The following NCAPG2 variants were observed in gnomAD, a reference collection of about 807,000 sequenced individuals.
NCAPG2 encodes the protein non-SMC condensin II complex subunit G2, also known as condensin-2 complex subunit G2.
NCAPG2 carries 53 observed loss-of-function variants against 141.1 expected under a neutral mutation model. That is an observed-to-expected ratio of 0.38 (90% confidence interval 0.30 to 0.47). The LOEUF is 0.47. Among genes scored for constraint, NCAPG2 ranks in the 20% least tolerant of loss-of-function variants. The probability of loss-of-function intolerance (pLI) is 0.99; values close to 1 mark genes in which losing one functional copy is unlikely to be tolerated. For synonymous variants in NCAPG2, 499 were observed against 490.7 expected (o/e 1.02, Z -0.22); for missense variants, 1,087 against 1,389.0 (o/e 0.78, Z 3.46).
chr7:158,664,460 C>T (rs944912702), intron 14 of NCAPG2, 68 bp downstream of exon 14: 1 of 1,551,282 alleles, frequency 6.4e-7, no homozygotes, highest in South Asian at 1.2e-5. Flanking sequence ...AAATACTGAA[C>T]TCTGTAATTT....
intron 12 of NCAPG2, among the ~76,000 whole-genome samples, chr7:158,673,995 T>C (rs143875057): frequency 4.7e-4 from 72 of 152,284 alleles, no homozygotes; most frequent in African/African-American, 1.6e-3. Flanking sequence ...TAGAAGACGC[T>C]TTATAGTAGA....
intron 22 of NCAPG2, among the ~76,000 whole-genome samples, chr7:158,653,593 G>A (rs1390827185): frequency 2.0e-5 from 3 of 151,994 alleles, no homozygotes; most frequent in Admixed American, 2.0e-4. Flanking sequence ...ATACACTGGG[G>A]GTGTCCACAC....
intron 16 of NCAPG2, among the ~76,000 whole-genome samples, chr7:158,660,701 C>G (rs1277525925): frequency 6.6e-6 from 1 of 152,156 alleles, no homozygotes; most frequent in African/African-American, 2.4e-5. Context: ...CAGGTGTGAA[C>G]CACCATGCCC....
At chr7:158,641,511 CA>C in intron 27 of NCAPG2, 1 of 678,708 alleles carries the variant, frequency 1.5e-6, no homozygotes, top group Admixed American at 2.1e-5. Flanking sequence ...TCCAGGAGTC[CA>C]GGAGTTAGAG....
intron 13 of NCAPG2, among the ~76,000 whole-genome samples, chr7:158,669,607 TA>T (rs879931042): frequency 6.5e-4 from 93 of 143,398 alleles, no homozygotes; most frequent in Non-Finnish European, 5.5e-4. Flanking sequence ...TACTAAAATT[TA>T]AAAAAAAAAA....
intron 2 of NCAPG2, among the ~76,000 whole-genome samples, chr7:158,701,304 T>A (rs1979196): frequency 1.3e-5 from 2 of 152,160 alleles, no homozygotes; most frequent in Admixed American, 6.5e-5. Flanking sequence ...TTCTCACTTG[T>A]AGTCAGAGGA....
In NCAPG2 at chr7:158,676,110, A is replaced by T. The variant is rs182981838; in HGVS notation, c.1147-454T>A. On this transcript the variant is annotated intron_variant, in intron 11 of 27. Transcript: ENST00000356309. ...TTCAAAAACAGACAATGAGGCAATA[A>T]GTACCCCGATGGGAGTATTCGACAT... Among the ~76,000 whole-genome samples the T allele has an allele frequency of 3.3e-5, 5 of 152,370 alleles. No individual in the cohort carries two copies. The East Asian group carries it at 7.7e-4, about 24-fold the overall frequency.
intron 2 of NCAPG2, 39 bp from the exon 3 acceptor site, chr7:158,693,536 A>G (rs760245844): frequency 1.3e-6 from 2 of 1,518,154 alleles, no homozygotes; most frequent in African/African-American, 2.8e-5. Context: ...TCAAATACAA[A>G]AAATTAATCA....
chr7:158,641,177 T>A (rs1487662012), intron 27 of NCAPG2: 1 of 252,144 alleles, frequency 4.0e-6, no homozygotes, highest in Admixed American at 5.5e-5. Context: ...CATCATAAAA[T>A]GTTCAGTTAA....
At chr7:158,641,735 C>T (rs1480494705) in intron 27 of NCAPG2, among the ~76,000 whole-genome samples, 2 of 152,058 alleles carry the variant, frequency 1.3e-5, no homozygotes, top group Non-Finnish European at 2.9e-5. Flanking sequence ...AATGTGTGGA[C>T]CTAACAACAG....
chr7:158,641,003 T>C (rs1314320129), intron 27 of NCAPG2: 1 of 152,218 alleles, frequency 6.6e-6, no homozygotes, highest in African/African-American at 2.4e-5. Flanking sequence ...CAAAGTGGTA[T>C]AGTGTCATCT....
intron 2 of NCAPG2, among the ~76,000 whole-genome samples, chr7:158,695,022 CT>C: frequency 6.6e-6 from 1 of 152,148 alleles, no homozygotes; most frequent in African/African-American, 2.4e-5. Context: ...TTGAATAATT[CT>C]TTACGCCTCA....
intron 26 of NCAPG2, 140 bp from the exon 27 acceptor site, chr7:158,644,528 G>A (rs762168897): frequency 1.8e-5 from 12 of 662,568 alleles, no homozygotes; most frequent in East Asian, 5.2e-5. Context: ...ACTGACCCGC[G>A]GAATAGTAAT....
At chr7:158,677,548 A>AAAAAAAC (rs869074552) in intron 11 of NCAPG2, among the ~76,000 whole-genome samples, 1 of 142,572 alleles carries the variant, frequency 7.0e-6, no homozygotes, top group Non-Finnish European at 1.5e-5. Context: ...AAAAAAAAAA[A>AAAAAAAC]CAGAAAAGAA....
chr7:158,700,244 C>T (rs770381916), intron 2 of NCAPG2, among the ~76,000 whole-genome samples: 1 of 152,180 alleles, frequency 6.6e-6, no homozygotes, highest in Non-Finnish European at 1.5e-5. Context: ...TATTGATAAA[C>T]TAGAGTTAAT....
At chr7:158,664,976 G>T (rs1832806585) in intron 13 of NCAPG2, 3 of 451,522 alleles carry the variant, frequency 6.6e-6, no homozygotes, top group Non-Finnish European at 1.2e-5. Flanking sequence ...AAGTATTAGG[G>T]TGCTAAGAGG....
intron 27 of NCAPG2, among the ~76,000 whole-genome samples, chr7:158,639,424 A>G (rs4909244): frequency 0.75 from 113,774 of 152,114 alleles, 42,848 homozygotes; most frequent in East Asian, 0.97. Context: ...TGCATTTTAT[A>G]ACAATTAATT....
Position 158,662,364 on chromosome 7 carries a change from G to T in NCAPG2, c.1819C>A (p.Leu607Met). 1.9e-6 allele frequency: 3 copies of T among 1,550,724 alleles called. No individual in the cohort carries two copies. Among genetic ancestry groups the T allele is most frequent in the Non-Finnish European group, 2.6e-6 (3 of 1,151,666 alleles). ...TCGTTTACTGACAGTGTTTTGTCCA[G>T]AACCTAAGATAAAAATAATTTTATT... ...DGREKENVTV[L>M]DKTLSVNDVA... The change falls in exon 16 of 28, where the codon CTG becomes ATG. Residue 607 changes from leucine (L) to methionine (M), a missense_variant. By Grantham distance (15) the Leu-to-Met change is conservative (BLOSUM62 2). Coordinates refer to ENST00000356309, the MANE Select transcript of NCAPG2 (RefSeq NM_017760.7).
intron 24 of NCAPG2, among the ~76,000 whole-genome samples, chr7:158,648,496 TA>T (rs138968761): frequency 2.9e-4 from 31 of 106,492 alleles, no homozygotes; most frequent in Non-Finnish European, 3.4e-4. Flanking sequence ...TCAAATGGAC[TA>T]AAAAAAAAAA....
Sources: allele counts gnomAD v4.1 joint callset (sites outside exome capture counted in the v4.1 genomes callset), GRCh38; gene constraint gnomAD v4.1.1; transcripts MANE v1.5; gene names NCBI Gene and HGNC (gene_info 2026-07-23, HGNC 2026-07-21).